The following DLGAP2 variants were observed in gnomAD, a reference collection of about 807,000 sequenced individuals.
The protein encoded by DLGAP2 is DLG associated protein 2.
A neutral mutation model predicts 100.3 loss-of-function variants in DLGAP2; 26 were observed. The observed-to-expected ratio is 0.26, with a 90% CI of 0.19 to 0.36. The LOEUF (loss-of-function observed/expected upper bound fraction) is 0.36. Among genes scored for constraint, DLGAP2 ranks in the 10% least tolerant of loss-of-function variants. The probability of loss-of-function intolerance (pLI) is 1.00; values close to 1 mark genes in which losing one functional copy is unlikely to be tolerated. For missense variants in DLGAP2, 1,858 were observed against 1,453.2 expected, an observed-to-expected ratio of 1.28 and a Z score of -4.53; for synonymous variants, 886 against 630.1, an observed-to-expected ratio of 1.41 and a Z score of -6.08.
chr8:1,140,062 A>G (rs1041970280), intron 2 of DLGAP2, among the ~76,000 whole-genome samples: 2 of 152,114 alleles, frequency 1.3e-5, no homozygotes, highest in East Asian at 1.9e-4. Flanking sequence ...TTTTCTATGT[A>G]AGCATCATAA....
At chr8:801,810 G>A (rs999846123) in intron 1 of DLGAP2, among the ~76,000 whole-genome samples, 48 of 152,144 alleles carry the variant, frequency 3.2e-4, no homozygotes, top group South Asian at 1.0e-3. Context: ...GTCCCTGCTC[G>A]GGGATGGCTC....
rs182441849 is a variant in DLGAP2, at chr8:1,249,988, G to C, written c.74-8863G>C. Among the ~76,000 whole-genome samples the C allele has an allele frequency of 1.5e-3, 224 of 152,154 alleles. 1 individual carries two copies. The highest frequency in any genetic ancestry group is 5.0e-4 in the Non-Finnish European group (34 of 67,988). ...CTCTGCCTCCCAGGTTCAAGTGATTGTTCTGCCTCAGCCTCCCGAGTAGCT... is the reference window on the plus strand; with the variant it reads ...CTCTGCCTCCCAGGTTCAAGTGATTCTTCTGCCTCAGCCTCCCGAGTAGCT... On this transcript the variant is annotated intron_variant, in intron 2 of 14. Coordinates refer to ENST00000637795, the MANE Select transcript of DLGAP2 (RefSeq NM_001346810.2).
At position 1,102,328 on chromosome 8, in the gene DLGAP2, A is replaced by T. The variant is rs190674495; in HGVS notation, c.74-156523A>T. 2.0e-3 allele frequency among the ~76,000 whole-genome samples: 295 copies of T among 147,608 alleles called. 1 individual carries two copies. Among genetic ancestry groups the T allele is most frequent in the African/African-American group, 6.8e-3 (279 of 40,764 alleles). ...ATATAATTACATAATAATATATATA[A>T]ATTACATATATAATTATATATTATA... On this transcript the variant is annotated intron_variant, in intron 2 of 14. Coordinates refer to ENST00000637795, the MANE Select transcript of DLGAP2 (RefSeq NM_001346810.2).
intron 2 of DLGAP2, among the ~76,000 whole-genome samples, chr8:1,110,986 A>G (rs1804938415): frequency 6.6e-6 from 1 of 152,032 alleles, no homozygotes; most frequent in South Asian, 2.1e-4. Context: ...TGCCAGCCGA[A>G]GGTCACACGT....
intron 1 of DLGAP2, among the ~76,000 whole-genome samples, chr8:900,338 T>C (rs1181700402): frequency 6.0e-5 from 8 of 134,364 alleles, no homozygotes; most frequent in African/African-American, 1.1e-4. Flanking sequence ...CGCTCCCGGG[T>C]GGACGGTGGG....
intron 2 of DLGAP2, among the ~76,000 whole-genome samples, chr8:1,068,812 TG>T (rs1340846502): frequency 1.3e-5 from 2 of 152,076 alleles, no homozygotes; most frequent in East Asian, 1.9e-4. Flanking sequence ...GGAGACCTCG[TG>T]GGGGCTTTTT....
chr8:907,451 T>C (rs1412530047), intron 1 of DLGAP2, among the ~76,000 whole-genome samples: 1 of 152,236 alleles, frequency 6.6e-6, no homozygotes, highest in African/African-American at 2.4e-5. Flanking sequence ...ATACAGCCCT[T>C]ACTTTCACAT....
At chr8:1,094,186 G>A (rs1329591071) in intron 2 of DLGAP2, among the ~76,000 whole-genome samples, 1 of 152,232 alleles carries the variant, frequency 6.6e-6, no homozygotes, top group Non-Finnish European at 1.5e-5. Flanking sequence ...CCTGGGAGAG[G>A]CAGGGAACTG....
intron 3 of DLGAP2, among the ~76,000 whole-genome samples, chr8:1,318,071 T>C (rs371427241): frequency 3.5e-4 from 19 of 54,298 alleles, no homozygotes; most frequent in Middle Eastern, 0.015. Flanking sequence ...CACTCGTCAG[T>C]GTTTAAAAAT....
At chr8:795,679 A>ACAGGTGTCCAGTGAGAG (rs1796012743) in intron 1 of DLGAP2, among the ~76,000 whole-genome samples, 4 of 26,966 alleles carry the variant, frequency 1.5e-4, no homozygotes, top group Non-Finnish European at 3.1e-4. Context: ...TCCAGTGAGA[A>ACAGGTGTCCAGTGAGAG]CAGGCGTCCA....
At chr8:1,464,171 C>G (rs79073338) in intron 3 of DLGAP2, among the ~76,000 whole-genome samples, 1 of 46,392 alleles carries the variant, frequency 2.2e-5, no homozygotes, top group Non-Finnish European at 4.1e-5. Context: ...CCTTCCAGGA[C>G]AGCACCCGTC....
chr8:1,041,380 G>C (rs112546773), intron 2 of DLGAP2, among the ~76,000 whole-genome samples: 1 of 152,268 alleles, frequency 6.6e-6, no homozygotes, highest in South Asian at 2.1e-4. Flanking sequence ...CATCCGTGTC[G>C]ACATCCGCCC....
chr8:1,298,505 C>A (rs1341672322), intron 3 of DLGAP2, among the ~76,000 whole-genome samples: 1 of 152,122 alleles, frequency 6.6e-6, no homozygotes, highest in Non-Finnish European at 1.5e-5. Flanking sequence ...CTCCTCTGGC[C>A]CCGGAGAGTG....
At chr8:928,287 G>A (rs1161363993) in intron 2 of DLGAP2, among the ~76,000 whole-genome samples, 1 of 152,202 alleles carries the variant, frequency 6.6e-6, no homozygotes, top group Non-Finnish European at 1.5e-5. Flanking sequence ...GTTTACCGAG[G>A]TTGAGTGTGT....
chr8:1,241,354 G>A (rs1054223149), intron 2 of DLGAP2, among the ~76,000 whole-genome samples: 3 of 145,572 alleles, frequency 2.1e-5, no homozygotes, highest in Non-Finnish European at 3.0e-5. Flanking sequence ...ACATGGCGCC[G>A]TGTCTAGTTC....
intron 2 of DLGAP2, among the ~76,000 whole-genome samples, chr8:1,006,443 C>T (rs1206238519): frequency 7.5e-6 from 1 of 133,262 alleles, no homozygotes; most frequent in African/African-American, 2.8e-5. Flanking sequence ...CGGGGGCGCC[C>T]TGCATCTCAA....
chr8:769,161 T>G (rs1821292591), intron 1 of DLGAP2, among the ~76,000 whole-genome samples: 1 of 152,000 alleles, frequency 6.6e-6, no homozygotes, highest in Non-Finnish European at 1.5e-5. Flanking sequence ...TCAGAAACCT[T>G]TTGAGGTTAA....
chr8:962,557 G>C (rs1799751227), intron 2 of DLGAP2, among the ~76,000 whole-genome samples: 1 of 152,126 alleles, frequency 6.6e-6, no homozygotes, highest in Non-Finnish European at 1.5e-5. Context: ...CCTGACCTGT[G>C]CTCCCAGAGA....
At chr8:745,236 G>A (rs1203888031) in intron 1 of DLGAP2, among the ~76,000 whole-genome samples, 1 of 152,014 alleles carries the variant, frequency 6.6e-6, no homozygotes, top group African/African-American at 2.4e-5. Context: ...TTGACATTCT[G>A]AGCAAATTTC....
Sources: allele counts gnomAD v4.1 joint callset (sites outside exome capture counted in the v4.1 genomes callset), GRCh38; gene constraint gnomAD v4.1.1; transcripts MANE v1.5; gene names NCBI Gene and HGNC (gene_info 2026-07-23, HGNC 2026-07-21).